Variants in FMNL3 observed in about 807,000 individuals in gnomAD.
The protein encoded by FMNL3 is formin-like protein 3.
A neutral mutation model predicts 119.6 loss-of-function variants in FMNL3; 57 were observed. The observed-to-expected ratio is 0.48, with a 90% CI of 0.39 to 0.59. FMNL3 has a LOEUF of 0.59. Among genes scored for constraint, FMNL3 ranks in the 20% least tolerant of loss-of-function variants. FMNL3 has a pLI of 0.00. For missense variants in FMNL3, 1,053 were observed against 1,323.5 expected (o/e 0.80, Z 3.17); for synonymous variants, 491 against 507.3 (o/e 0.97, Z 0.43).
chr12:49,644,207 C>G lies in FMNL3; in HGVS notation c.*1608G>C, dbSNP rs775173249. 3.7e-6 allele frequency: 6 copies of G among 1,613,740 alleles called. No individual in the cohort carries two copies. In the South Asian group the frequency reaches 5.5e-5, roughly 15 times the overall value. Reference sequence around the variant, plus strand: ...ATCACCAGTGACCCAATGAGCTGTTCTCTGCCTCGGGTCTGTGTGAGGCCA... The same window carrying G: ...ATCACCAGTGACCCAATGAGCTGTTGTCTGCCTCGGGTCTGTGTGAGGCCA... On this transcript the variant is annotated 3_prime_UTR_variant, in exon 26 of 26. Transcript: ENST00000335154.
Position 49,656,889 on chromosome 12 carries a change from T to A in FMNL3, c.725A>T (p.Asn242Ile). The A allele has an allele frequency of 6.2e-7, 1 of 1,614,032 alleles. No individual in the cohort carries two copies. The highest frequency in any genetic ancestry group is 1.1e-5 in the South Asian group (1 of 91,078). Residue 242 changes from asparagine (N) to isoleucine (I), a missense_variant, in exon 8 of 26, where the codon AAC becomes ATC. This residue lies in a region of FMNL3 where 445 missense variants were observed against 628.4 expected (regional missense o/e 0.71). Transcript: ENST00000335154. The stretch of plus-strand genomic sequence containing the variant: ...AGCATGGGGGTGGGACATGACCAGG[T>A]TGAATCCGTACTGCAAGGGAAAGGA... The part of the protein sequence containing the change: ...RAIMNYQYGF[N>I]LVMSHPHAVN...
In FMNL3 at chr12:49,647,279, G is replaced by A; in HGVS notation, c.2868C>T (p.Ala956=). The A allele has an allele frequency of 6.2e-7, 1 of 1,613,936 alleles. No homozygotes were observed. The highest frequency in any genetic ancestry group is 8.5e-7 in the Non-Finnish European group (1 of 1,179,994). Residue 956 remains alanine, a synonymous_variant, in exon 24 of 26, where the codon GCC becomes GCT. Coordinates refer to ENST00000335154, the MANE Select transcript of FMNL3 (RefSeq NM_175736.5). This position sits in a 1 kb window ranked among gnomAD's most constrained non-coding sequence, Gnocchi z 4.9. ...QLAQEAKKLD[A]KTPSQRNKWQ... is the part of the protein sequence containing the mutation. ...CCCAGCTCTTGGTCCCACCCACCTT[G>A]GCATCCAGTTTCTTGGCTTCCTGAG...
chr12:49,690,324 GAAAGA>G (rs1403894191), intron 1 of FMNL3, among the ~76,000 whole-genome samples: 2 of 152,140 alleles, frequency 1.3e-5, no homozygotes, highest in Admixed American at 1.3e-4. Context: ...AATAAATCAT[GAAAGA>G]AAAGAAAATG....
In FMNL3 at chr12:49,643,045, G is replaced by A. The variant is rs1197495139; in HGVS notation, c.*2770C>T. The A allele has an allele frequency of 1.9e-6, 3 of 1,609,626 alleles. No individual in the cohort carries two copies. In the African/African-American group the frequency reaches 4.0e-5, roughly 22 times the overall value. On this transcript the variant is annotated 3_prime_UTR_variant, in exon 26 of 26. Coordinates refer to ENST00000335154, the MANE Select transcript of FMNL3 (RefSeq NM_175736.5). ...AGTAAGCGTGTAGAAGGGACATGGGGTGAAGCTGGGTTGTTTTGGGGAAAT... is the reference window on the plus strand; with the variant it reads ...AGTAAGCGTGTAGAAGGGACATGGGATGAAGCTGGGTTGTTTTGGGGAAAT...
At chr12:49,674,436 C>G (rs1425091372) in intron 1 of FMNL3, among the ~76,000 whole-genome samples, 2 of 152,166 alleles carry the variant, frequency 1.3e-5, no homozygotes, top group Non-Finnish European at 2.9e-5. Context: ...TCCCTGGACT[C>G]TAGGCCTCCA....
intron 1 of FMNL3, among the ~76,000 whole-genome samples, chr12:49,669,408 T>G (rs1943980788): frequency 1.3e-5 from 2 of 152,200 alleles, no homozygotes; most frequent in Admixed American, 6.5e-5. Context: ...GAGTGAAGCC[T>G]AAGGACTTCA....
At chr12:49,671,625 G>C (rs1269935511) in intron 1 of FMNL3, among the ~76,000 whole-genome samples, 2 of 152,240 alleles carry the variant, frequency 1.3e-5, no homozygotes, top group Non-Finnish European at 2.9e-5. Flanking sequence ...ATGTGTGTGA[G>C]TCTGGCAGGG....
Position 49,637,744 on chromosome 12 carries a change from C to T in FMNL3, c.*8071G>A. On this transcript the variant is annotated 3_prime_UTR_variant, in exon 26 of 26. Transcript: ENST00000335154. ...CTCCCTCCTTACAGGCTCCACCCCT[C>T]TGGACTTATTCAAGTTCTATGTGGA... 1 of 1,608,432 alleles carries T rather than the reference C, an allele frequency of 6.2e-7. No individual in the cohort carries two copies.
rs996381545 is a variant in FMNL3, at chr12:49,638,665, G to C, written c.*7150C>G. 1 of 152,248 alleles carries C rather than the reference G, an allele frequency of 6.6e-6. No individual in the cohort carries two copies. The highest frequency in any genetic ancestry group is 1.5e-5 in the Non-Finnish European group (1 of 68,052). The allele number at this position is 152,248 out of a possible 1,614,324, so 9.4% of individuals were successfully genotyped here. On this transcript the variant is annotated 3_prime_UTR_variant, in exon 26 of 26. Transcript: ENST00000335154. Reference sequence around the variant, plus strand: ...GTGAAGATTCTAATGCATTTGAGGAGATAATACAGTACAGTGGTTAGGAGC... The same window carrying C: ...GTGAAGATTCTAATGCATTTGAGGACATAATACAGTACAGTGGTTAGGAGC...
chr12:49,640,090 T>C lies in FMNL3; in HGVS notation c.*5725A>G, dbSNP rs1942403706. ...CTTTCCCCATTTGGGTTCCTGCCTA[T>C]GGAGGGCAGATGAGCCCAGGAGTCC... On this transcript the variant is annotated 3_prime_UTR_variant, in exon 26 of 26. Coordinates refer to ENST00000335154, the MANE Select transcript of FMNL3 (RefSeq NM_175736.5). 6.6e-6 allele frequency: 1 copy of C among 152,216 alleles called. No individual in the cohort carries two copies. Among genetic ancestry groups the C allele is most frequent in the Non-Finnish European group, 1.5e-5 (1 of 68,052 alleles). The allele number at this position is 152,216 out of a possible 1,614,324, so 9.4% of individuals were successfully genotyped here.
chr12:49,643,574 T>TA lies in FMNL3; in HGVS notation c.*2240dup, dbSNP rs1190559825. The TA allele has an allele frequency of 2.9e-6, 4 of 1,379,424 alleles. No homozygotes were observed. Among genetic ancestry groups the TA allele is most frequent in the African/African-American group, 1.5e-5 (1 of 68,346 alleles). 85.4% of individuals were successfully genotyped at this position (1,379,424 alleles called of 1,614,324 possible). On this transcript the variant is annotated 3_prime_UTR_variant, in exon 26 of 26. Transcript: ENST00000335154. The stretch of plus-strand genomic sequence containing the variant: ...GAAGCTGGAGAAGGAAAACTGGACT[T>TA]AGACTTCCTCAGAGCATGAGGTTCC...
rs777482823 is a variant in FMNL3 at position 49,656,514 on chromosome 12, G to T, written c.792-17C>A. The T allele has an allele frequency of 1.3e-5, 21 of 1,606,186 alleles. No homozygotes were observed. The South Asian group carries it at 2.3e-4, about 18-fold the overall frequency. ...GCTTTGGTCCTAAGGGGTGAAGAAG[G>T]AAGATTAACACCCTAACTCCCCATC... On this transcript the variant is annotated splice_polypyrimidine_tract_variant and intron_variant, in intron 8 of 25. Transcript: ENST00000335154.
chr12:49,648,869 G>C (rs545140228), intron 21 of FMNL3, among the ~76,000 whole-genome samples, 160 bp downstream of exon 21: 1 of 152,228 alleles, frequency 6.6e-6, no homozygotes, highest in Non-Finnish European at 1.5e-5. Context: ...CCTCTGGAGT[G>C]GCCCCTGCTT....
chr12:49,655,941 C>G (rs1943555201), intron 9 of FMNL3, among the ~76,000 whole-genome samples: 1 of 152,142 alleles, frequency 6.6e-6, no homozygotes, highest in African/African-American at 2.4e-5. Flanking sequence ...CAATAACAGC[C>G]AACAAATCAG....
intron 5 of FMNL3, among the ~76,000 whole-genome samples, chr12:49,659,468 T>C (rs1301601908): frequency 6.6e-6 from 1 of 152,178 alleles, no homozygotes; most frequent in African/African-American, 2.4e-5. Flanking sequence ...TGGAATACAG[T>C]GGCACAGTCA....
chr12:49,636,670 G>T lies in FMNL3; in HGVS notation c.*9145C>A. The T allele has an allele frequency of 1.2e-6, 2 of 1,610,664 alleles. No individual in the cohort carries two copies. Among genetic ancestry groups the T allele is most frequent in the Non-Finnish European group, 1.7e-6 (2 of 1,177,282 alleles). On this transcript the variant is annotated 3_prime_UTR_variant, in exon 26 of 26. Coordinates refer to ENST00000335154, the MANE Select transcript of FMNL3 (RefSeq NM_175736.5). ...ATTAGGGGTGCTGGGGTCTGAGAGG[G>T]TATCCTGCTGGGACAATGCCCGCGG... is the stretch of plus-strand genomic sequence containing the variant.
At chr12:49,666,264 G>C in intron 2 of FMNL3, 57 bp from the exon 3 acceptor site, 3 of 1,473,100 alleles carry the variant, frequency 2.0e-6, no homozygotes, top group Non-Finnish European at 2.8e-6. Context: ...CCTGAGGAGG[G>C]CACTGAGGAA....
At position 49,645,593 on chromosome 12, in the gene FMNL3, G is replaced by C. The variant is rs1467361713; in HGVS notation, c.*222C>G. The C allele has an allele frequency of 3.2e-5, 16 of 507,178 alleles. No homozygotes were observed. The South Asian group carries it at 4.2e-4, about 13-fold the overall frequency. The allele number at this position is 507,178 out of a possible 1,614,324, so 31.4% of individuals were successfully genotyped here. On this transcript the variant is annotated 3_prime_UTR_variant, in exon 26 of 26. Transcript: ENST00000335154. Reference sequence around the variant, plus strand: ...GACCCTTGGTGACCCTTCAGGAAATGAAGTCAAAGACCTTGGGGGCAAAGT... The same window carrying C: ...GACCCTTGGTGACCCTTCAGGAAATCAAGTCAAAGACCTTGGGGGCAAAGT...
chr12:49,649,487 GCTT>G lies in FMNL3; in HGVS notation c.2284_2286del (p.Lys762del). On this transcript the variant is annotated inframe_deletion, in exon 19 of 26. Coordinates refer to ENST00000335154, the MANE Select transcript of FMNL3 (RefSeq NM_175736.5). The surrounding 1 kb of genome is among the most constrained non-coding windows in gnomAD (Gnocchi z 5.6). ...CTTCCCACCTCCAACATCTGCTTCA[GCTT>G]CTGTGAAGACTTGACGGAAGCGGAC... 6.2e-7 allele frequency: 1 copy of G among 1,614,182 alleles called. No homozygotes were observed. The highest frequency in any genetic ancestry group is 8.5e-7 in the Non-Finnish European group (1 of 1,180,050).
Sources: allele counts gnomAD v4.1 joint callset (sites outside exome capture counted in the v4.1 genomes callset), GRCh38; gene constraint gnomAD v4.1.1; regional missense constraint gnomAD v4.1.1; non-coding constraint Gnocchi (gnomAD v3.1); transcripts MANE v1.5; gene names NCBI Gene and HGNC (gene_info 2026-07-23, HGNC 2026-07-21).